SCN9A: variants seen among roughly 807,000 people sequenced by gnomAD.
The protein encoded by SCN9A is sodium channel protein type 9 subunit alpha.
SCN9A carries 131 observed loss-of-function variants against 187.0 expected under a neutral mutation model. The observed-to-expected ratio is 0.70, with a 90% CI of 0.61 to 0.81. The LOEUF (loss-of-function observed/expected upper bound fraction) is 0.81. SCN9A is among the 30% of genes least tolerant of loss of function. The pLI is 0.00. For missense variants in SCN9A, 2,252 were observed against 2,396.6 expected, an observed-to-expected ratio of 0.94 and a Z score of 1.26; for synonymous variants, 809 against 808.6, an observed-to-expected ratio of 1.00 and a Z score of -0.01.
In SCN9A at chr2:166,286,524, T is replaced by C; in HGVS notation, c.1414A>G (p.Ser472Gly). The change falls in exon 11 of 27, where the codon AGT becomes GGT. Residue 472 changes from serine (S) to glycine (G), a missense_variant. By Grantham distance (56) the Ser-to-Gly change is moderately conservative (BLOSUM62 0). This residue lies in a region of SCN9A where 1,013 missense variants were observed against 997.4 expected (regional missense o/e 1.02). Transcript: ENST00000642356. ...SSETSKLSSKSAKERRNRRKK... is the reference protein window; with the variant it reads ...SSETSKLSSKGAKERRNRRKK... ...CTTCTGTTTCTTCTTTCTTTAGCAC[T>C]TTTAGAGCTCAGTTTGGATGTTTCA... is the stretch of plus-strand genomic sequence containing the variant. 2 of 1,612,776 alleles carry C rather than the reference T, an allele frequency of 1.2e-6. No individual in the cohort carries two copies. The highest frequency in any genetic ancestry group is 1.7e-6 in the Non-Finnish European group (2 of 1,179,540).
At chr2:166,296,627 A>G (rs2106510018) in intron 7 of SCN9A, among the ~76,000 whole-genome samples, 1 of 152,344 alleles carries the variant, frequency 6.6e-6, no homozygotes, top group Non-Finnish European at 1.5e-5. Flanking sequence ...GAGCTGAATT[A>G]TATGAATGGG....
rs1334777155 is a variant in SCN9A at position 166,288,494 on chromosome 2, T to C, written c.1257A>G (p.Lys419=). ...NQANIEEAKQ[K]ELEFQQMLDR... ...CTAACATCTGTTGAAATTCTAATTC[T>C]TTCTGTTTAGCTTCTTCAATGTTTG... is the stretch of plus-strand genomic sequence containing the variant. The change falls in exon 10 of 27, where the codon AAA becomes AAG. Residue 419 remains lysine (K), a synonymous_variant. Coordinates refer to ENST00000642356, the MANE Select transcript of SCN9A (RefSeq NM_001365536.1). The C allele has an allele frequency of 6.2e-7, 1 of 1,613,310 alleles. No homozygotes were observed. The highest frequency in any genetic ancestry group is 1.1e-5 in the South Asian group (1 of 91,022).
chr2:166,245,967 A>C (rs941280927), intron 18 of SCN9A, among the ~76,000 whole-genome samples: 1 of 151,996 alleles, frequency 6.6e-6, no homozygotes, highest in Non-Finnish European at 1.5e-5. Context: ...AGTTGATATA[A>C]GGTTATTTTC....
chr2:166,230,378 G>A (rs1411539638), intron 21 of SCN9A, among the ~76,000 whole-genome samples: 10 of 152,146 alleles, frequency 6.6e-5, no homozygotes, highest in Non-Finnish European at 1.3e-4. Flanking sequence ...AAAAGATTAG[G>A]AGGAATAGGA....
Position 166,306,689 on chromosome 2 carries a change from A to T in SCN9A, c.378-90T>A, listed in dbSNP as rs9646772. ...TGTTGAAATGCTTACAACTTTTCCTAAGAAAAAAATTCTAAATGAGCTTGT... is the reference window on the plus strand; with the variant it reads ...TGTTGAAATGCTTACAACTTTTCCTTAGAAAAAAATTCTAAATGAGCTTGT... On this transcript the variant is annotated intron_variant, in intron 3 of 26. Transcript: ENST00000642356. The T allele has an allele frequency of 0.65, 606,170 of 936,466 alleles. 199,205 individuals are homozygous for T. The highest frequency in any genetic ancestry group is 0.85 in the African/African-American group (51,692 of 60,644). 58.0% of individuals were successfully genotyped at this position (936,466 alleles called of 1,614,324 possible).
chr2:166,216,336 C>T (rs914208485), intron 24 of SCN9A, among the ~76,000 whole-genome samples: 4 of 151,980 alleles, frequency 2.6e-5, no homozygotes, highest in Admixed American at 2.6e-4. Context: ...ACAAGGATAT[C>T]GACTATTACC....
At chr2:166,285,851 G>T (rs1697714319) in intron 11 of SCN9A, among the ~76,000 whole-genome samples, 1 of 152,012 alleles carries the variant, frequency 6.6e-6, no homozygotes, top group South Asian at 2.1e-4. Context: ...ACAGACTATG[G>T]CACTACATAT....
intron 1 of SCN9A, among the ~76,000 whole-genome samples, chr2:166,369,475 G>A (rs891214668): frequency 6.6e-6 from 1 of 152,168 alleles, no homozygotes; most frequent in African/African-American, 2.4e-5. Flanking sequence ...GGGATTATAA[G>A]AACCTTATTC....
chr2:166,223,816 C>A (rs1694729230), intron 24 of SCN9A, among the ~76,000 whole-genome samples: 1 of 152,138 alleles, frequency 6.6e-6, no homozygotes, highest in Admixed American at 6.5e-5. Flanking sequence ...TAAATGAGTT[C>A]ATCACAAAGC....
intron 10 of SCN9A, 110 bp downstream of exon 10, chr2:166,288,327 A>G (rs1697881314): frequency 1.2e-6 from 1 of 815,768 alleles, no homozygotes; most frequent in African/African-American, 1.7e-5. Context: ...ATACACAAAA[A>G]TTCATTAAAG....
chr2:166,336,624 G>A (rs1335835989), intron 1 of SCN9A, among the ~76,000 whole-genome samples: 6 of 152,078 alleles, frequency 3.9e-5, no homozygotes, highest in South Asian at 2.1e-4. Flanking sequence ...GAACTTACTT[G>A]CTCCTTTGGC....
intron 17 of SCN9A, among the ~76,000 whole-genome samples, chr2:166,254,448 G>A (rs898631685): frequency 4.0e-5 from 6 of 151,356 alleles, no homozygotes; most frequent in African/African-American, 1.5e-4. Context: ...AGATTTCTAA[G>A]AGAATACCTT....
Position 166,222,937 on chromosome 2 carries a change from AAAAACAAC to A in SCN9A, c.4398+3622_4398+3629del, listed in dbSNP as rs1694661997. Among the ~76,000 whole-genome samples the A allele has an allele frequency of 1.6e-4, 16 of 101,898 alleles. 1 individual carries two copies. Among genetic ancestry groups the A allele is most frequent in the African/African-American group, 6.6e-4 (15 of 22,562 alleles). 66.8% of individuals were successfully genotyped at this position (101,898 alleles called of 152,430 possible). A position where few individuals can be genotyped will look rare whatever the true frequency, so the allele number is the denominator to read the frequency against. Reference sequence around the variant, plus strand: ...CAGAGCGAAACTCCGTCTCAAAAAAAAAAACAACAAAAAAAAAAAAAAAAAAAAAAAAA... The same window carrying A: ...CAGAGCGAAACTCCGTCTCAAAAAAAAAAAAAAAAAAAAAAAAAAAAAAAA... On this transcript the variant is annotated intron_variant, in intron 24 of 26. Coordinates refer to ENST00000642356, the MANE Select transcript of SCN9A (RefSeq NM_001365536.1).
intron 10 of SCN9A, 126 bp downstream of exon 10, chr2:166,288,311 C>T (rs777247253): frequency 6.1e-6 from 4 of 659,908 alleles, no homozygotes; most frequent in Non-Finnish European, 9.7e-6. Flanking sequence ...AATGAGGATA[C>T]AGTTTATACA....
rs35476363 is a variant in SCN9A, at chr2:166,272,956, C to T, written c.2875-81G>A. Reference sequence around the variant, plus strand: ...ATAAAATAAAATAAGTACACTTTTCCGAATATAGGCCACAATACAAACCAG... The same window carrying T: ...ATAAAATAAAATAAGTACACTTTTCTGAATATAGGCCACAATACAAACCAG... On this transcript the variant is annotated intron_variant, in intron 16 of 26. Coordinates refer to ENST00000642356, the MANE Select transcript of SCN9A (RefSeq NM_001365536.1). 0.067 allele frequency: 42,418 copies of T among 637,190 alleles called. 1,555 individuals carry two copies. The highest frequency in any genetic ancestry group is 0.11 in the Middle Eastern group (305 of 2,824). The allele number at this position is 637,190 out of a possible 1,614,324, so 39.5% of individuals were successfully genotyped here.
At chr2:166,287,905 G>A (rs1461412135) in intron 10 of SCN9A, among the ~76,000 whole-genome samples, 6 of 149,172 alleles carry the variant, frequency 4.0e-5, no homozygotes, top group Non-Finnish European at 7.4e-5. Flanking sequence ...TGAAACCACT[G>A]TATACAATTG....
At chr2:166,286,300 C>T (rs200006144) in intron 11 of SCN9A, 36 bp downstream of exon 11, 3 of 1,564,966 alleles carry the variant, frequency 1.9e-6, no homozygotes, top group African/African-American at 1.4e-5. Context: ...TAGCATTCTG[C>T]CTCGGGTGAT....
chr2:166,296,111 T>G (rs1298339495), intron 7 of SCN9A: 1 of 152,228 alleles, frequency 6.6e-6, no homozygotes, highest in African/African-American at 2.4e-5. Flanking sequence ...ATTTGAATGT[T>G]GCTTCTATCC....
chr2:166,249,866 A>G (rs541892155), intron 18 of SCN9A, among the ~76,000 whole-genome samples: 14 of 152,236 alleles, frequency 9.2e-5, no homozygotes, highest in Admixed American at 7.9e-4. Context: ...TTAAGTCATG[A>G]TCATTCATAA....
Sources: gnomAD v4.1 joint callset for allele counts (sites outside exome capture counted in the v4.1 genomes callset) on GRCh38, gnomAD v4.1.1 for gene constraint, gnomAD v4.1.1 regional missense constraint, MANE v1.5 for transcripts, NCBI Gene and HGNC (gene_info 2026-07-23, HGNC 2026-07-21) for gene names.